MET: variants seen among roughly 807,000 people sequenced by gnomAD.
The protein encoded by MET is MET proto-oncogene, receptor tyrosine kinase.
Under a neutral mutation model 133.1 loss-of-function variants are expected in MET, and 48 were observed. The observed-to-expected ratio is 0.36, with a 90% CI of 0.29 to 0.46. The LOEUF is 0.46. MET is among the 20% of genes least tolerant of loss of function. The probability of loss-of-function intolerance (pLI) is 1.00; values close to 1 mark genes in which losing one functional copy is unlikely to be tolerated. For missense variants in MET, 1,442 were observed against 1,695.9 expected (o/e 0.85, Z 2.63); for synonymous variants, 628 against 616.5 (o/e 1.02, Z -0.28).
chr7:116,796,214 C>T lies in MET; in HGVS notation c.*90C>T. The T allele has an allele frequency of 1.6e-6, 2 of 1,253,270 alleles. No homozygotes were observed. The highest frequency in any genetic ancestry group is 1.2e-5 in the South Asian group (1 of 83,242). 77.6% of individuals were successfully genotyped at this position (1,253,270 alleles called of 1,614,324 possible). A position where few individuals can be genotyped will look rare whatever the true frequency, so the allele number is the denominator to read the frequency against. On this transcript the variant is annotated 3_prime_UTR_variant, in exon 21 of 21. Transcript: ENST00000397752. ...TAAAAGGCCATCGATATTCTTTGCT[C>T]TTGCCAAAATTGCACTATTATAGGA... is the stretch of plus-strand genomic sequence containing the variant.
intron 2 of MET, among the ~76,000 whole-genome samples, chr7:116,725,465 CATATAT>C (rs71314626): frequency 2.8e-5 from 4 of 144,912 alleles, no homozygotes; most frequent in East Asian, 2.0e-4. Context: ...TTATGATATA[CATATAT>C]ATATATATAT....
At chr7:116,744,087 A>G (rs1361945217) in intron 5 of MET, among the ~76,000 whole-genome samples, 1 of 152,258 alleles carries the variant, frequency 6.6e-6, no homozygotes, top group Non-Finnish European at 1.5e-5. Flanking sequence ...AGGAAAAACC[A>G]GCGCAGAAAG....
At chr7:116,675,256 C>T (rs1796116167) in intron 1 of MET, among the ~76,000 whole-genome samples, 1 of 152,142 alleles carries the variant, frequency 6.6e-6, no homozygotes, top group African/African-American at 2.4e-5. Context: ...CTAGGTACTA[C>T]AGCATTTTCT....
At chr7:116,752,085 G>A (rs533479506) in intron 5 of MET, among the ~76,000 whole-genome samples, 2 of 151,928 alleles carry the variant, frequency 1.3e-5, no homozygotes, top group South Asian at 4.2e-4. Flanking sequence ...AAGAAAGAAA[G>A]AAAATTCAAC....
chr7:116,678,272 T>G (rs1267096845), intron 1 of MET, among the ~76,000 whole-genome samples: 1 of 152,178 alleles, frequency 6.6e-6, no homozygotes, highest in African/African-American at 2.4e-5. Flanking sequence ...TTCTTCCTAC[T>G]ATTTTAAATG....
At chr7:116,763,429 T>G in intron 11 of MET, 161 bp downstream of exon 11, 4 of 708,462 alleles carry the variant, frequency 5.6e-6, no homozygotes, top group Non-Finnish European at 9.8e-6. Context: ...AACTAAAAGA[T>G]AAGAATAACC....
chr7:116,786,217 A>G (rs960154393), intron 19 of MET, among the ~76,000 whole-genome samples: 1 of 152,162 alleles, frequency 6.6e-6, no homozygotes, highest in African/African-American at 2.4e-5. Flanking sequence ...CTCTTCTTAG[A>G]AGGGCACTAA....
intron 1 of MET, among the ~76,000 whole-genome samples, chr7:116,677,194 T>C (rs746291919): frequency 1.6e-4 from 25 of 152,102 alleles, no homozygotes; most frequent in Non-Finnish European, 3.1e-4. Context: ...AGTATAAATC[T>C]AAAGACAGCA....
rs185151194 is a variant in MET at position 116,743,993 on chromosome 7, A to C, written c.1701+2968A>C. On this transcript the variant is annotated intron_variant, in intron 5 of 20. Transcript: ENST00000397752. ...ACAAACAGAAAGCAATAGCATTAACATAAACAAAAAGAACGTCCACACAAA... is the reference window on the plus strand; with the variant it reads ...ACAAACAGAAAGCAATAGCATTAACCTAAACAAAAAGAACGTCCACACAAA... Among the ~76,000 whole-genome samples the C allele has an allele frequency of 2.6e-5, 4 of 152,346 alleles. No individual in the cohort carries two copies. The East Asian group carries it at 7.7e-4, about 29-fold the overall frequency.
chr7:116,677,513 T>A (rs923523897), intron 1 of MET, among the ~76,000 whole-genome samples: 2 of 152,200 alleles, frequency 1.3e-5, no homozygotes, highest in African/African-American at 4.8e-5. Flanking sequence ...TGTGGTAGTA[T>A]CTTTCAGATT....
At chr7:116,764,497 G>A (rs567055239) in intron 11 of MET, among the ~76,000 whole-genome samples, 2 of 152,054 alleles carry the variant, frequency 1.3e-5, no homozygotes, top group East Asian at 3.9e-4. Context: ...AAAGGTTTAT[G>A]TGCAAATAGT....
At chr7:116,782,763 A>C (rs1795193169) in intron 18 of MET, among the ~76,000 whole-genome samples, 1 of 152,188 alleles carries the variant, frequency 6.6e-6, no homozygotes, top group African/African-American at 2.4e-5. Context: ...GCGGAAATTG[A>C]TTTTTGTTGA....
chr7:116,709,531 T>C (rs1422414887), intron 2 of MET, among the ~76,000 whole-genome samples: 2 of 152,156 alleles, frequency 1.3e-5, no homozygotes, highest in East Asian at 3.9e-4. Context: ...AAAAGAAATA[T>C]TCACCTTTCT....
chr7:116,737,310 CTT>C (rs1223568666), intron 3 of MET, among the ~76,000 whole-genome samples: 1 of 152,222 alleles, frequency 6.6e-6, no homozygotes, highest in Non-Finnish European at 1.5e-5. Context: ...GATGCAGAGA[CTT>C]TCTCCTTAGG....
At chr7:116,675,677 G>A (rs954147188) in intron 1 of MET, among the ~76,000 whole-genome samples, 52 of 151,860 alleles carry the variant, frequency 3.4e-4, no homozygotes, top group Admixed American at 2.0e-3. Context: ...GGATGCTTAA[G>A]ATAGTGGTAA....
chr7:116,683,973 T>C (rs1796453536), intron 1 of MET, among the ~76,000 whole-genome samples: 1 of 152,190 alleles, frequency 6.6e-6, no homozygotes, highest in Admixed American at 6.5e-5. Context: ...GATGGACGAG[T>C]GGTTCACAAA....
In MET at chr7:116,797,458, A is replaced by G. The variant is rs543673515; in HGVS notation, c.*1334A>G. 4.4e-6 allele frequency: 1 copy of G among 228,506 alleles called. No individual in the cohort carries two copies. Among genetic ancestry groups the G allele is most frequent in the East Asian group, 6.3e-5 (1 of 15,902 alleles). 14.2% of individuals were successfully genotyped at this position (228,506 alleles called of 1,614,324 possible). A position where few individuals can be genotyped will look rare whatever the true frequency, so the allele number is the denominator to read the frequency against. ...CAAAACATACTTTAGAAACAAATGA[A>G]AAAGGCAATTGAAAATCCCAGCTAT... On this transcript the variant is annotated 3_prime_UTR_variant, in exon 21 of 21. Transcript: ENST00000397752.
rs1476751135 is a variant in MET at position 116,757,419 on chromosome 7, T to C, written c.1863-18T>C. On this transcript the variant is annotated intron_variant, in intron 6 of 20. Transcript: ENST00000397752. ...TCCTTGGATTTGTCATGTATTAAACTTTGGGTTTTTTTTCCAGATTGAAAT... is the reference window on the plus strand; with the variant it reads ...TCCTTGGATTTGTCATGTATTAAACCTTGGGTTTTTTTTCCAGATTGAAAT... The C allele has an allele frequency of 6.2e-7, 1 of 1,604,978 alleles. No individual in the cohort carries two copies. Among genetic ancestry groups the C allele is most frequent in the Non-Finnish European group, 8.5e-7 (1 of 1,173,268 alleles).
intron 16 of MET, 87 bp from the exon 17 acceptor site, chr7:116,778,689 C>T (rs1795062881): frequency 1.5e-6 from 2 of 1,362,142 alleles, no homozygotes; most frequent in African/African-American, 1.4e-5. Context: ...GTGTGGTTTA[C>T]CATTTCATTG....
Sources: gnomAD v4.1 joint callset for allele counts (sites outside exome capture counted in the v4.1 genomes callset) on GRCh38, gnomAD v4.1.1 for gene constraint, MANE v1.5 for transcripts, NCBI Gene and HGNC (gene_info 2026-07-23, HGNC 2026-07-21) for gene names.